The following TRIO variants were observed in gnomAD, a reference collection of about 807,000 sequenced individuals.
The protein encoded by TRIO is trio Rho guanine nucleotide exchange factor.
TRIO carries 58 observed loss-of-function variants against 351.9 expected under a neutral mutation model. The observed-to-expected ratio is 0.16, with a 90% confidence interval of 0.13 to 0.21. The LOEUF (loss-of-function observed/expected upper bound fraction) is 0.21. Among genes scored for constraint, TRIO ranks in the 10% least tolerant of loss-of-function variants. The probability of loss-of-function intolerance (pLI) is 1.00; values close to 1 mark genes in which losing one functional copy is unlikely to be tolerated. For missense variants in TRIO, 3,201 were observed against 4,027.8 expected (o/e 0.79, Z 5.56); for synonymous variants, 1,758 against 1,595.7 (o/e 1.10, Z -2.42).
intron 9 of TRIO, among the ~76,000 whole-genome samples, chr5:14,326,958 T>C (rs1026249471): frequency 6.6e-6 from 1 of 152,210 alleles, no homozygotes; most frequent in Non-Finnish European, 1.5e-5. Context: ...GTGGAAATTA[T>C]CATTGGAATT....
At chr5:14,488,780 A>G (rs1327178481) in intron 48 of TRIO, 4 of 595,148 alleles carry the variant, frequency 6.7e-6, no homozygotes, top group Non-Finnish European at 1.2e-5. Flanking sequence ...CTAAGATGAA[A>G]AAATGGGGGG....
At chr5:14,236,884 C>G (rs2152229302) in intron 1 of TRIO, among the ~76,000 whole-genome samples, 1 of 152,192 alleles carries the variant, frequency 6.6e-6, no homozygotes, top group East Asian at 1.9e-4. Flanking sequence ...TACCAGGTGA[C>G]TTTCTGTCTC....
At chr5:14,198,959 C>T (rs1216654737) in intron 1 of TRIO, among the ~76,000 whole-genome samples, 1 of 151,912 alleles carries the variant, frequency 6.6e-6, no homozygotes, top group Non-Finnish European at 1.5e-5. Flanking sequence ...CCTCTTGGGC[C>T]GGGTGCGGTG....
At chr5:14,261,646 G>C (rs76784715) in intron 1 of TRIO, among the ~76,000 whole-genome samples, 11,835 of 152,198 alleles carry the variant, frequency 0.078, 522 homozygotes, top group African/African-American at 0.083. Flanking sequence ...GAGCTGTGAG[G>C]CTCTGTGTTT....
Position 14,476,954 on chromosome 5 carries a change from T to G in TRIO, c.6144T>G (p.Phe2048Leu). ...LEDPEKLGSL[F>L]VKHERRLHMY... Reference sequence around the variant, plus strand: ...ATCCAGAAAAACTAGGATCCCTTTTTGTTAAACACGTAAGCACAATAGCAT... The same window carrying G: ...ATCCAGAAAAACTAGGATCCCTTTTGGTTAAACACGTAAGCACAATAGCAT... Residue 2048 changes from phenylalanine (F) to leucine (L), a missense_variant, in exon 41 of 57, where the codon TTT becomes TTG. By Grantham distance (22) the Phe-to-Leu change is conservative. This residue lies in a region of TRIO where 307 missense variants were observed against 396.5 expected (regional missense o/e 0.77). Transcript: ENST00000344204. 6.2e-7 allele frequency: 1 copy of G among 1,613,906 alleles called. No individual in the cohort carries two copies. The highest frequency in any genetic ancestry group is 8.5e-7 in the Non-Finnish European group (1 of 1,179,882).
At chr5:14,386,859 G>C (rs1050564347) in intron 21 of TRIO, among the ~76,000 whole-genome samples, 1 of 152,222 alleles carries the variant, frequency 6.6e-6, no homozygotes, top group Non-Finnish European at 1.5e-5. Context: ...ATGATTTCCT[G>C]ACTAGTGAAT....
chr5:14,371,230 C>A (rs555284802), intron 18 of TRIO, among the ~76,000 whole-genome samples: 1 of 152,140 alleles, frequency 6.6e-6, no homozygotes, highest in Non-Finnish European at 1.5e-5. Context: ...TTTTGACTTA[C>A]GATTTTTTTG....
At chr5:14,281,561 A>C (rs2152277540) in intron 3 of TRIO, among the ~76,000 whole-genome samples, 1 of 152,194 alleles carries the variant, frequency 6.6e-6, no homozygotes, top group South Asian at 2.1e-4. Context: ...TAATTGTTGC[A>C]GTTATATTCT....
chr5:14,254,037 A>T (rs1004368337), intron 1 of TRIO, among the ~76,000 whole-genome samples: 29 of 147,686 alleles, frequency 2.0e-4, no homozygotes, highest in African/African-American at 7.3e-4. Flanking sequence ...TGAAGATATT[A>T]TTTCAAAAAT....
chr5:14,344,809 C>T lies in TRIO; in HGVS notation c.2046+8082C>T, dbSNP rs902119997. Among the ~76,000 whole-genome samples, 24 of 152,166 alleles carry T rather than the reference C, an allele frequency of 1.6e-4. No homozygotes were observed. The East Asian group carries it at 4.2e-3, about 27-fold the overall frequency. On this transcript the variant is annotated intron_variant, in intron 11 of 56. Coordinates refer to ENST00000344204, the MANE Select transcript of TRIO (RefSeq NM_007118.4). ...CTTAACATCAAAACCAAAAGCCTTT[C>T]GTGGGATATACACAACTCTGTCCAT...
At chr5:14,442,400 A>C (rs1260615517) in intron 34 of TRIO, among the ~76,000 whole-genome samples, 3 of 152,154 alleles carry the variant, frequency 2.0e-5, no homozygotes, top group Non-Finnish European at 2.9e-5. Context: ...GTGTCGGATC[A>C]AAAGGGGGGC....
At chr5:14,505,535 T>C (rs991357985) in intron 55 of TRIO, among the ~76,000 whole-genome samples, 1 of 152,210 alleles carries the variant, frequency 6.6e-6, no homozygotes, top group Admixed American at 6.5e-5. Flanking sequence ...CATGGGGTCA[T>C]GTAGGGGCAG....
intron 1 of TRIO, among the ~76,000 whole-genome samples, chr5:14,162,488 T>A (rs1788528356): frequency 6.6e-6 from 1 of 152,226 alleles, no homozygotes. Context: ...GCAGAGTTCA[T>A]ATTGAGTGAG....
chr5:14,463,008 T>C (rs1393531501), intron 36 of TRIO, 83 bp downstream of exon 36: 12 of 1,444,294 alleles, frequency 8.3e-6, no homozygotes, highest in Non-Finnish European at 1.1e-5. Context: ...ACCAGCCTCA[T>C]TTCAGGAGAC....
chr5:14,146,129 T>C (rs932424021), intron 1 of TRIO, among the ~76,000 whole-genome samples: 1 of 151,038 alleles, frequency 6.6e-6, no homozygotes, highest in African/African-American at 2.4e-5. Context: ...CTCTAGCATC[T>C]AGGCCAACGA....
At chr5:14,379,831 C>A (rs969582254) in intron 20 of TRIO, among the ~76,000 whole-genome samples, 2 of 152,220 alleles carry the variant, frequency 1.3e-5, no homozygotes, top group Admixed American at 6.5e-5. Flanking sequence ...GGTGGTGCCC[C>A]ATCTGCCTTC....
intron 55 of TRIO, 123 bp downstream of exon 55, chr5:14,504,716 A>T: frequency 1.6e-6 from 2 of 1,241,916 alleles, no homozygotes; most frequent in Non-Finnish European, 2.2e-6. Context: ...AGAACTAAAA[A>T]ACATCTTCAC....
At chr5:14,310,461 T>A (rs750124583) in intron 8 of TRIO, among the ~76,000 whole-genome samples, 1 of 152,240 alleles carries the variant, frequency 6.6e-6, no homozygotes, top group East Asian at 1.9e-4. Flanking sequence ...ATGTGCCAAC[T>A]TAGTGTGTGC....
chr5:14,459,386 G>C (rs1203494822), intron 34 of TRIO, among the ~76,000 whole-genome samples: 2 of 152,232 alleles, frequency 1.3e-5, no homozygotes, highest in Non-Finnish European at 1.5e-5. Flanking sequence ...CACAGTGAAT[G>C]ATCACCATTG....
Sources: gnomAD v4.1 joint callset for allele counts (sites outside exome capture counted in the v4.1 genomes callset) on GRCh38, gnomAD v4.1.1 for gene constraint, gnomAD v4.1.1 regional missense constraint, MANE v1.5 for transcripts, NCBI Gene and HGNC (gene_info 2026-07-23, HGNC 2026-07-21) for gene names.